DIS3L2: variants seen among roughly 807,000 people sequenced by gnomAD.
DIS3L2 encodes DIS3 like 3'-5' exoribonuclease 2, also known as DIS3-like exonuclease 2.
In DIS3L2, 34 loss-of-function variants were observed where a neutral mutation model predicts 97.5. The ratio of observed to expected loss-of-function variants is 0.35; its 90% CI spans 0.27 to 0.46. DIS3L2 has a LOEUF of 0.46. Among genes scored for constraint, DIS3L2 ranks in the 20% least tolerant of loss-of-function variants. DIS3L2 has a pLI of 1.00. For synonymous variants in DIS3L2, 435 were observed against 445.2 expected, an observed-to-expected ratio of 0.98 and a Z score of 0.29; for missense variants, 1,038 against 1,146.0, an observed-to-expected ratio of 0.91 and a Z score of 1.36.
chr2:232,158,166 T>C (rs569704068), intron 8 of DIS3L2, among the ~76,000 whole-genome samples: 1 of 152,318 alleles, frequency 6.6e-6, no homozygotes, highest in Admixed American at 6.5e-5. Context: ...GGGAGAAAGT[T>C]TCTGCTATAT....
At chr2:232,307,386 T>C (rs1018110891) in intron 14 of DIS3L2, 2 of 152,212 alleles carry the variant, frequency 1.3e-5, no homozygotes, top group Admixed American at 1.3e-4. Flanking sequence ...AAATTACACA[T>C]GACATCAGGG....
intron 6 of DIS3L2, 102 bp downstream of exon 6, chr2:232,087,823 G>A (rs1696710796): frequency 1.5e-5 from 14 of 961,856 alleles, no homozygotes; most frequent in Non-Finnish European, 2.2e-5. Context: ...CATTGATATA[G>A]TCCTAATTTT....
At chr2:232,148,844 A>G (rs1559679240) in intron 8 of DIS3L2, among the ~76,000 whole-genome samples, 1 of 136,402 alleles carries the variant, frequency 7.3e-6, no homozygotes, top group Non-Finnish European at 1.5e-5. Flanking sequence ...CTTTGTAGCC[A>G]TTTAAAACTA....
chr2:231,983,290 G>C (rs944495687), intron 1 of DIS3L2, among the ~76,000 whole-genome samples: 1 of 152,174 alleles, frequency 6.6e-6, no homozygotes, highest in African/African-American at 2.4e-5. Context: ...AAGGATAGAA[G>C]TGTGAGATCA....
intron 14 of DIS3L2, 25 bp from the exon 15 acceptor site, chr2:232,329,788 C>CA: frequency 1.5e-5 from 16 of 1,080,628 alleles, no homozygotes; most frequent in African/African-American, 3.2e-5. Flanking sequence ...CCAGCGGTCC[C>CA]TCCCATCCCA....
intron 8 of DIS3L2, among the ~76,000 whole-genome samples, chr2:232,138,831 A>G (rs1451367521): frequency 6.6e-6 from 1 of 151,854 alleles, no homozygotes; most frequent in Non-Finnish European, 1.5e-5. Context: ...CAACTCCTAT[A>G]CCTCTCTCCT....
chr2:232,335,747 C>G, intron 19 of DIS3L2, 26 bp from the exon 20 acceptor site: 1 of 1,548,794 alleles, frequency 6.5e-7, no homozygotes, highest in Non-Finnish European at 8.7e-7. Flanking sequence ...AGAGCTGAGG[C>G]CTGAGGCTTG....
chr2:232,225,433 A>G (rs530033676), intron 10 of DIS3L2, among the ~76,000 whole-genome samples: 6 of 152,370 alleles, frequency 3.9e-5, no homozygotes, highest in Non-Finnish European at 8.8e-5. Context: ...ATGAATATCA[A>G]AAACGCTGTG....
In DIS3L2 at chr2:232,064,347, G is replaced by A. The variant is rs116219423; in HGVS notation, c.367-23140G>A. ...TTGAGTCTGGCTTTTTTCTATTAGC[G>A]TGCGCATGTGAAATTTATCCATGTT... On this transcript the variant is annotated intron_variant, in intron 5 of 20. Coordinates refer to ENST00000325385, the MANE Select transcript of DIS3L2 (RefSeq NM_152383.5). Among the ~76,000 whole-genome samples, 951 of 152,074 alleles carry A rather than the reference G, an allele frequency of 6.3e-3. 10 individuals are homozygous for A. Among genetic ancestry groups the A allele is most frequent in the African/African-American group, 0.022 (894 of 41,460 alleles).
chr2:232,060,908 A>G (rs1025130041), intron 5 of DIS3L2, among the ~76,000 whole-genome samples: 2 of 152,098 alleles, frequency 1.3e-5, no homozygotes, highest in Admixed American at 6.5e-5. Flanking sequence ...ATTTAATTTT[A>G]TTTGTAGCTA....
At chr2:232,332,272 G>A (rs879627587) in intron 16 of DIS3L2, among the ~76,000 whole-genome samples, 9,703 of 81,906 alleles carry the variant, frequency 0.12, 3 homozygotes, top group Non-Finnish European at 0.15. Context: ...ACTTGCCCCC[G>A]ACTTAACCCA....
At chr2:232,169,090 TG>T (rs1690906489) in intron 9 of DIS3L2, among the ~76,000 whole-genome samples, 1 of 152,136 alleles carries the variant, frequency 6.6e-6, no homozygotes, top group Non-Finnish European at 1.5e-5. Flanking sequence ...AGGGGGTGCT[TG>T]GTGCAAGTGT....
At chr2:232,148,337 G>A (rs563605961) in intron 8 of DIS3L2, among the ~76,000 whole-genome samples, 133 of 152,102 alleles carry the variant, frequency 8.7e-4, no homozygotes, top group Non-Finnish European at 1.4e-3. Context: ...GTGAGCCACC[G>A]CACCCGGCCA....
At chr2:232,072,783 GGTGTGTGTGTGTGTGT>G (rs56884799) in intron 5 of DIS3L2, among the ~76,000 whole-genome samples, 1 of 139,812 alleles carries the variant, frequency 7.2e-6, no homozygotes, top group African/African-American at 2.8e-5. Flanking sequence ...TGGGATGTGG[GGTGTGTGTGTGTGTGT>G]GTGTGTGTGT....
chr2:231,976,430 G>C (rs1461042078), intron 1 of DIS3L2, among the ~76,000 whole-genome samples: 1 of 151,928 alleles, frequency 6.6e-6, no homozygotes, highest in East Asian at 1.9e-4. Flanking sequence ...AGGAGTTCGA[G>C]ACCAACCTCG....
At chr2:232,029,690 G>A (rs752506908) in intron 4 of DIS3L2, among the ~76,000 whole-genome samples, 29 of 152,112 alleles carry the variant, frequency 1.9e-4, no homozygotes, top group Non-Finnish European at 1.3e-4. Context: ...TCCTCCTAGA[G>A]AGTCCAAATC....
chr2:232,123,199 C>T (rs1697960899), intron 6 of DIS3L2, among the ~76,000 whole-genome samples: 1 of 152,088 alleles, frequency 6.6e-6, no homozygotes, highest in Non-Finnish European at 1.5e-5. Context: ...TTCTGATGCC[C>T]CTCTACTAAC....
chr2:232,176,551 G>C (rs1691160995), intron 9 of DIS3L2, among the ~76,000 whole-genome samples: 1 of 150,520 alleles, frequency 6.6e-6, no homozygotes, highest in African/African-American at 2.4e-5. Context: ...TCTTAAGGTG[G>C]AAGTTTATGT....
intron 13 of DIS3L2, among the ~76,000 whole-genome samples, chr2:232,291,932 G>A (rs1002741382): frequency 1.3e-5 from 2 of 152,130 alleles, no homozygotes; most frequent in East Asian, 1.9e-4. Flanking sequence ...CCAAAGCCTC[G>A]AAACCTCTGA....
Sources: gnomAD v4.1 joint callset for allele counts (sites outside exome capture counted in the v4.1 genomes callset) on GRCh38, gnomAD v4.1.1 for gene constraint, MANE v1.5 for transcripts, NCBI Gene and HGNC (gene_info 2026-07-23, HGNC 2026-07-21) for gene names.